ENOX1: variants seen among roughly 807,000 people sequenced by gnomAD.
ENOX1 encodes ecto-NOX disulfide-thiol exchanger 1, also known as candidate growth-related and time keeping constitutive hydroquinone (NADH) oxidase.
In ENOX1, 42 loss-of-function variants were observed where a neutral mutation model predicts 82.5. The observed-to-expected ratio is 0.51, with a 90% CI of 0.40 to 0.66. The LOEUF is 0.66. Ranked by LOEUF, ENOX1 falls within the 30% of genes least tolerant of loss-of-function variation. The pLI, the probability that ENOX1 is intolerant of heterozygous loss-of-function variation, is 0.00. For missense variants in ENOX1, 608 were observed against 811.6 expected (o/e 0.75, Z 3.05); for synonymous variants, 271 against 282.2 (o/e 0.96, Z 0.40).
intron 2 of ENOX1, among the ~76,000 whole-genome samples, chr13:43,561,437 T>C (rs183812941): frequency 1.2e-3 from 180 of 152,202 alleles, no homozygotes; most frequent in African/African-American, 4.2e-3. Context: ...ATACATATGA[T>C]GCATATAGGA....
chr13:43,418,834 T>C (rs2054796996), intron 3 of ENOX1, among the ~76,000 whole-genome samples: 2 of 152,236 alleles, frequency 1.3e-5, no homozygotes, highest in Admixed American at 6.5e-5. Context: ...CAACAAAATA[T>C]ATTTATGTTC....
At chr13:43,662,884 T>C (rs1179513438) in intron 2 of ENOX1, among the ~76,000 whole-genome samples, 2 of 152,196 alleles carry the variant, frequency 1.3e-5, no homozygotes, top group African/African-American at 4.8e-5. Flanking sequence ...AATTGCAATA[T>C]GCAGCATCTA....
intron 2 of ENOX1, among the ~76,000 whole-genome samples, chr13:43,538,832 C>T (rs759373430): frequency 4.6e-5 from 7 of 152,014 alleles, no homozygotes; most frequent in East Asian, 1.9e-4. Flanking sequence ...CCTCCCCGCC[C>T]CTGCCCTTTT....
intron 15 of ENOX1, among the ~76,000 whole-genome samples, chr13:43,229,680 T>C (rs1424778185): frequency 1.3e-5 from 2 of 152,012 alleles, no homozygotes; most frequent in African/African-American, 4.8e-5. Context: ...GGGAGGCCAG[T>C]TGGAAGTGTT....
chr13:43,351,421 T>C, intron 8 of ENOX1, among the ~76,000 whole-genome samples: 1 of 151,170 alleles, frequency 6.6e-6, no homozygotes, highest in Admixed American at 6.6e-5. Flanking sequence ...ATTTTATTTA[T>C]TTATTTATTT....
chr13:43,656,843 C>T (rs1463090955), intron 2 of ENOX1, among the ~76,000 whole-genome samples: 2 of 152,128 alleles, frequency 1.3e-5, no homozygotes, highest in Admixed American at 6.6e-5. Context: ...CACCTCTTCT[C>T]CTAAATCATT....
At chr13:43,564,084 C>G (rs1330431926) in intron 2 of ENOX1, among the ~76,000 whole-genome samples, 1 of 151,934 alleles carries the variant, frequency 6.6e-6, no homozygotes, top group Non-Finnish European at 1.5e-5. Flanking sequence ...AACTACAGAC[C>G]AATATCCCTG....
chr13:43,249,297 CTG>C (rs945610671), intron 14 of ENOX1, among the ~76,000 whole-genome samples: 3 of 152,138 alleles, frequency 2.0e-5, no homozygotes, highest in Non-Finnish European at 2.9e-5. Flanking sequence ...TCAAAAATAG[CTG>C]TGTGTTTCTC....
At chr13:43,510,329 C>A (rs1296715162) in intron 2 of ENOX1, among the ~76,000 whole-genome samples, 1 of 152,080 alleles carries the variant, frequency 6.6e-6, no homozygotes, top group Non-Finnish European at 1.5e-5. Context: ...CTTATACAAT[C>A]CTTTTAAGAA....
At chr13:43,258,478 G>A (rs1352461730) in intron 14 of ENOX1, among the ~76,000 whole-genome samples, 2 of 152,166 alleles carry the variant, frequency 1.3e-5, no homozygotes, top group Non-Finnish European at 2.9e-5. Flanking sequence ...ACATTGGCAG[G>A]AGAAAAGCAA....
At chr13:43,505,185 C>A (rs1469117526) in intron 2 of ENOX1, among the ~76,000 whole-genome samples, 1 of 151,884 alleles carries the variant, frequency 6.6e-6, no homozygotes, top group Non-Finnish European at 1.5e-5. Context: ...CGGATCACAT[C>A]AACTTATTCC....
At chr13:43,354,716 T>C (rs1048905689) in intron 8 of ENOX1, among the ~76,000 whole-genome samples, 2 of 152,244 alleles carry the variant, frequency 1.3e-5, no homozygotes, top group African/African-American at 4.8e-5. Context: ...CCTTCAGGGC[T>C]CTGCCATCTG....
At chr13:43,460,539 G>A (rs557672930) in intron 3 of ENOX1, among the ~76,000 whole-genome samples, 7 of 152,056 alleles carry the variant, frequency 4.6e-5, no homozygotes, top group African/African-American at 1.4e-4. Context: ...AGTGGCTCAC[G>A]CCTGTAATCC....
Position 43,480,590 on chromosome 13 carries a change from T to A in ENOX1, c.-75+3419A>T, listed in dbSNP as rs1327188702. ...CAATGGAAGCAGAAATAAATTAACA[T>A]GATATGAGCTCAGAAATTACATTGG... On this transcript the variant is annotated intron_variant, in intron 3 of 16. Transcript: ENST00000690772. Among the ~76,000 whole-genome samples, 3 of 152,162 alleles carry A rather than the reference T, an allele frequency of 2.0e-5. No homozygotes were observed. In the East Asian group the frequency reaches 5.8e-4, roughly 29 times the overall value.
intron 2 of ENOX1, among the ~76,000 whole-genome samples, chr13:43,584,172 G>A (rs2080874129): frequency 6.6e-6 from 1 of 152,212 alleles, no homozygotes; most frequent in African/African-American, 2.4e-5. Flanking sequence ...ATTGCAGGAG[G>A]CAAAAGCAGC....
intron 3 of ENOX1, among the ~76,000 whole-genome samples, chr13:43,454,141 A>C (rs1251593912): frequency 1.3e-5 from 2 of 152,180 alleles, no homozygotes; most frequent in Non-Finnish European, 2.9e-5. Context: ...TATTTATTAA[A>C]GTAATATATG....
chr13:43,484,266 T>C, intron 2 of ENOX1, 114 bp from the exon 3 acceptor site: 2 of 588,664 alleles, frequency 3.4e-6, no homozygotes, highest in Non-Finnish European at 4.3e-6. Flanking sequence ...ATTTCTATTA[T>C]CAATTTTGTA....
chr13:43,361,172 T>C (rs1566603009), intron 6 of ENOX1, 107 bp downstream of exon 6: 3 of 1,163,652 alleles, frequency 2.6e-6, no homozygotes, highest in Non-Finnish European at 3.7e-6. Flanking sequence ...ATCCCCACTC[T>C]GTGCATTTAC....
chr13:43,538,982 C>T (rs577556111), intron 2 of ENOX1, among the ~76,000 whole-genome samples: 1 of 151,972 alleles, frequency 6.6e-6, no homozygotes, highest in South Asian at 2.1e-4. Context: ...TGTCATCATG[C>T]CCAGCTAATT....
Sources: allele counts gnomAD v4.1 joint callset (sites outside exome capture counted in the v4.1 genomes callset), GRCh38; gene constraint gnomAD v4.1.1; transcripts MANE v1.5; gene names NCBI Gene and HGNC (gene_info 2026-07-23, HGNC 2026-07-21).